Variants in SLC25A53 observed in about 807,000 individuals in gnomAD.
The protein encoded by SLC25A53 is mitochondrial carrier triple repeat protein 6.
Under a neutral mutation model 15.0 loss-of-function variants are expected in SLC25A53, and 5 were observed. The ratio of observed to expected loss-of-function variants is 0.33; its 90% CI spans 0.17 to 0.70. The LOEUF is 0.70. Among genes scored for constraint, SLC25A53 ranks in the 30% least tolerant of loss-of-function variants. SLC25A53 has a pLI of 0.67. For synonymous variants in SLC25A53, 95 were observed against 100.0 expected (o/e 0.95, Z 0.30); for missense variants, 216 against 241.6 (o/e 0.89, Z 0.70).
chrX:104,116,349 C>T (rs1287425496), intron 1 of SLC25A53, among the ~76,000 whole-genome samples: 3 of 111,009 alleles, frequency 2.7e-5, no homozygotes, highest in Non-Finnish European at 5.7e-5. Flanking sequence ...TCATTTAAGG[C>T]AAGGAGTGGA....
intron 1 of SLC25A53, among the ~76,000 whole-genome samples, chrX:104,135,960 AG>A (rs1270468671): frequency 4.5e-5 from 5 of 111,394 alleles, no homozygotes; most frequent in African/African-American, 1.6e-4. Flanking sequence ...CACAAGACTT[AG>A]GGGTAGGAAC....
At chrX:104,119,694 C>G (rs544807496) in intron 1 of SLC25A53, among the ~76,000 whole-genome samples, 2 of 102,474 alleles carry the variant, frequency 2.0e-5, no homozygotes, top group African/African-American at 3.7e-5. Context: ...AAGCGGGGGG[C>G]GGGGGGAGCA....
intron 1 of SLC25A53, among the ~76,000 whole-genome samples, chrX:104,126,617 C>T (rs782347139): frequency 9.0e-6 from 1 of 111,367 alleles, no homozygotes; most frequent in African/African-American, 3.3e-5. Context: ...TGCCACTGCA[C>T]TCCAATCTGG....
At chrX:104,148,129 T>G (rs1433174216) in intron 1 of SLC25A53, among the ~76,000 whole-genome samples, 1 of 107,861 alleles carries the variant, frequency 9.3e-6, no homozygotes, top group Non-Finnish European at 1.9e-5. Flanking sequence ...CCATAAAAAA[T>G]GATGAGTTCA....
chrX:104,131,471 G>A (rs1416374539), intron 1 of SLC25A53, among the ~76,000 whole-genome samples: 1 of 111,434 alleles, frequency 9.0e-6, no homozygotes, highest in Non-Finnish European at 1.9e-5. Flanking sequence ...CATTGAAATT[G>A]TAATCTTTGA....
At chrX:104,111,075 T>C (rs1556358295) in intron 1 of SLC25A53, among the ~76,000 whole-genome samples, 1 of 112,575 alleles carries the variant, frequency 8.9e-6, no homozygotes, top group Non-Finnish European at 1.9e-5. Flanking sequence ...AGATATGCCA[T>C]GGACAGATAC....
intron 1 of SLC25A53, chrX:104,115,431 A>C (rs1055280147): frequency 9.2e-5 from 75 of 813,179 alleles, no homozygotes; most frequent in Non-Finnish European, 1.1e-4. Context: ...TCCACAAAGC[A>C]GTTTTCCTTT....
chrX:104,103,025 T>C lies in SLC25A53; in HGVS notation c.*1309A>G, dbSNP rs2075288000. Reference sequence around the variant, plus strand: ...GGTGGTGGGCGCCTGTAATTCCAGCTACTCGGGAGGCTGAGGCAGGAGAAT... The same window carrying C: ...GGTGGTGGGCGCCTGTAATTCCAGCCACTCGGGAGGCTGAGGCAGGAGAAT... On this transcript the variant is annotated 3_prime_UTR_variant, in exon 2 of 2. Coordinates refer to ENST00000594199, the MANE Select transcript of SLC25A53 (RefSeq NM_001012755.5). The C allele has an allele frequency of 9.2e-6, 1 of 109,286 alleles. No homozygotes were observed. The highest frequency in any genetic ancestry group is 4.0e-4 in the South Asian group (1 of 2,521). 9.0% of individuals were successfully genotyped at this position (109,286 alleles called of 1,213,427 possible). A position where few individuals can be genotyped will look rare whatever the true frequency, so the allele number is the denominator to read the frequency against.
At chrX:104,115,217 C>T in intron 1 of SLC25A53, 1 of 1,207,710 alleles carries the variant, frequency 8.3e-7, no homozygotes, top group East Asian at 3.0e-5. Flanking sequence ...AGCAACAAGG[C>T]CCAGGTTTTT....
At chrX:104,111,100 C>T (rs868930299) in intron 1 of SLC25A53, among the ~76,000 whole-genome samples, 1 of 112,337 alleles carries the variant, frequency 8.9e-6, no homozygotes, top group Non-Finnish European at 1.9e-5. Flanking sequence ...ATGGCAGGCC[C>T]ATTTACTTAT....
At chrX:104,120,703 C>A (rs2075390795) in intron 1 of SLC25A53, among the ~76,000 whole-genome samples, 1 of 111,754 alleles carries the variant, frequency 8.9e-6, no homozygotes, top group African/African-American at 3.2e-5. Context: ...TCGACTGGGA[C>A]CTAGAGTACA....
chrX:104,129,860 A>G (rs868984581), intron 1 of SLC25A53, among the ~76,000 whole-genome samples: 135 of 89,983 alleles, frequency 1.5e-3, no homozygotes, highest in Middle Eastern at 0.011. Flanking sequence ...ACACAAATGT[A>G]TGTGTGTGTG....
intron 1 of SLC25A53, among the ~76,000 whole-genome samples, chrX:104,125,021 T>G (rs2075406374): frequency 9.3e-6 from 1 of 107,687 alleles, no homozygotes; most frequent in Admixed American, 1.0e-4. Context: ...TTTTGTATTT[T>G]TAGTAGAAAC....
chrX:104,150,210 G>A (rs1556370092), intron 1 of SLC25A53, among the ~76,000 whole-genome samples: 1 of 105,626 alleles, frequency 9.5e-6, no homozygotes, highest in African/African-American at 3.5e-5. Context: ...TCCAGTCTGG[G>A]TGACAGAGCA....
intron 1 of SLC25A53, among the ~76,000 whole-genome samples, chrX:104,105,911 ACTTCTAAGCCTAAC>A (rs2075306912): frequency 1.8e-5 from 2 of 112,122 alleles, no homozygotes; most frequent in Admixed American, 9.4e-5. Flanking sequence ...GCACCTGGCA[ACTTCTAAGCCTAAC>A]CTTTAAGACC....
At chrX:104,142,920 C>CAAAAA (rs1216011123) in intron 1 of SLC25A53, among the ~76,000 whole-genome samples, 1 of 33,946 alleles carries the variant, frequency 2.9e-5, no homozygotes, top group African/African-American at 1.0e-4. Context: ...GACTCCATCT[C>CAAAAA]AAAAAAAAAA....
At position 104,104,907 on chromosome X, in the gene SLC25A53, G is replaced by A. The variant is rs782799247; in HGVS notation, c.351C>T (p.Arg117=). 3.3e-6 allele frequency: 4 copies of A among 1,211,862 alleles called. No individual in the cohort carries two copies. In the South Asian group the frequency reaches 7.0e-5, roughly 21 times the overall value. The change falls in exon 2 of 2, where the codon CGC becomes CGT. Residue 117 remains arginine, a synonymous_variant. Coordinates refer to ENST00000594199, the MANE Select transcript of SLC25A53 (RefSeq NM_001012755.5). Reference sequence around the variant, plus strand: ...CGCCAGACATGAGCCCGGCAGCCCAGCGGTGTCCCAGGGTGTGTGGCCCAA... The same window carrying A: ...CGCCAGACATGAGCCCGGCAGCCCAACGGTGTCCCAGGGTGTGTGGCCCAA... ...SPVGPHTLGH[R]WAAGLMSGVV... is the part of the protein sequence containing the mutation.
chrX:104,107,883 T>C (rs2075319661), intron 1 of SLC25A53, among the ~76,000 whole-genome samples: 1 of 111,747 alleles, frequency 8.9e-6, no homozygotes, highest in Non-Finnish European at 1.9e-5. Context: ...CTTGGAGCCT[T>C]ACCCATCTGA....
chrX:104,127,665 A>T (rs2075414543), intron 1 of SLC25A53, among the ~76,000 whole-genome samples: 1 of 112,079 alleles, frequency 8.9e-6, no homozygotes, highest in Non-Finnish European at 1.9e-5. Flanking sequence ...AATAATTTTT[A>T]AAAATAACTA....
Sources: gnomAD v4.1 joint callset for allele counts (sites outside exome capture counted in the v4.1 genomes callset) on GRCh38, gnomAD v4.1.1 for gene constraint, MANE v1.5 for transcripts, NCBI Gene and HGNC (gene_info 2026-07-23, HGNC 2026-07-21) for gene names.